The following DPP6 variants were observed in gnomAD, a reference collection of about 807,000 sequenced individuals.
DPP6 encodes the protein A-type potassium channel modulatory protein DPP6.
Under a neutral mutation model 122.6 loss-of-function variants are expected in DPP6, and 69 were observed. That is an observed-to-expected ratio of 0.56 (90% CI 0.46 to 0.69). DPP6 has a LOEUF of 0.69. DPP6 is among the 30% of genes least tolerant of loss of function. The probability of loss-of-function intolerance (pLI) is 0.00; values close to 1 mark genes in which losing one functional copy is unlikely to be tolerated. For missense variants in DPP6, 928 were observed against 1,116.9 expected (o/e 0.83, Z 2.41); for synonymous variants, 418 against 433.1 (o/e 0.97, Z 0.43).
At chr7:154,681,948 CT>C (rs1437885694) in intron 7 of DPP6, among the ~76,000 whole-genome samples, 4 of 152,166 alleles carry the variant, frequency 2.6e-5, no homozygotes, top group Non-Finnish European at 5.9e-5. Context: ...TTTCATTAGA[CT>C]TTTGTCTTCC....
At chr7:153,897,819 T>G (rs1329664602) in intron 1 of DPP6, among the ~76,000 whole-genome samples, 1 of 152,246 alleles carries the variant, frequency 6.6e-6, no homozygotes, top group Non-Finnish European at 1.5e-5. Flanking sequence ...GTGGCTGTAC[T>G]AATTTAATTC....
At chr7:153,779,654 CA>C in the DPP6 span, among the ~76,000 whole-genome samples, 1 of 125,596 alleles carries the variant, frequency 8.0e-6, no homozygotes, top group Non-Finnish European at 1.7e-5. Flanking sequence ...GGACGTTCGG[CA>C]AAATAACTGA....
chr7:153,828,901 A>G, the DPP6 span, among the ~76,000 whole-genome samples: 1 of 152,244 alleles, frequency 6.6e-6, no homozygotes, highest in Non-Finnish European at 1.5e-5. Context: ...ATTAAACCAC[A>G]GAAGTCTGGA....
At chr7:153,897,430 A>G (rs1001909541) in intron 1 of DPP6, among the ~76,000 whole-genome samples, 1 of 152,238 alleles carries the variant, frequency 6.6e-6, no homozygotes, top group South Asian at 2.1e-4. Flanking sequence ...AACTTGTGCC[A>G]TTGTTGACAA....
At chr7:153,788,121 G>A in the DPP6 span, among the ~76,000 whole-genome samples, 1 of 152,160 alleles carries the variant, frequency 6.6e-6, no homozygotes, top group African/African-American at 2.4e-5. Context: ...TTATTTTGTA[G>A]ACATTAAATC....
At chr7:154,600,027 C>G (rs1051169952) in intron 5 of DPP6, among the ~76,000 whole-genome samples, 1 of 152,178 alleles carries the variant, frequency 6.6e-6, no homozygotes, top group African/African-American at 2.4e-5. Context: ...ATGGATGGCT[C>G]CAGTCCCAAA....
chr7:153,804,264 C>T, the DPP6 span, among the ~76,000 whole-genome samples: 1 of 152,012 alleles, frequency 6.6e-6, no homozygotes, highest in African/African-American at 2.4e-5. Context: ...GTTGGCCAGA[C>T]TGGTCTCGAA....
chr7:153,816,743 A>C, the DPP6 span, among the ~76,000 whole-genome samples: 1 of 151,994 alleles, frequency 6.6e-6, no homozygotes, highest in African/African-American at 2.4e-5. Context: ...AGCACAGGTG[A>C]GACCCATTTA....
chr7:154,155,103 A>G (rs541367394), intron 1 of DPP6, among the ~76,000 whole-genome samples: 1 of 152,098 alleles, frequency 6.6e-6, no homozygotes, highest in African/African-American at 2.4e-5. Context: ...TCGCAATACC[A>G]TTCTCATTAG....
intron 6 of DPP6, among the ~76,000 whole-genome samples, chr7:154,663,662 C>T (rs4960704): frequency 5.9e-3 from 111 of 18,746 alleles, no homozygotes; most frequent in Middle Eastern, 0.033. Context: ...TTGGCCATAG[C>T]GTTCATATAG....
At chr7:154,200,809 C>T (rs2150784855) in intron 1 of DPP6, among the ~76,000 whole-genome samples, 1 of 152,206 alleles carries the variant, frequency 6.6e-6, no homozygotes, top group African/African-American at 2.4e-5. Flanking sequence ...GAAAGTTAGC[C>T]CCGCCTGGAC....
intron 1 of DPP6, among the ~76,000 whole-genome samples, chr7:154,413,859 C>T (rs1347746913): frequency 6.6e-6 from 1 of 152,058 alleles, no homozygotes; most frequent in Non-Finnish European, 1.5e-5. Context: ...CAAATAAAAG[C>T]AATTTGCTTT....
At chr7:153,828,309 C>T in the DPP6 span, among the ~76,000 whole-genome samples, 9 of 152,024 alleles carry the variant, frequency 5.9e-5, no homozygotes, top group African/African-American at 9.7e-5. Context: ...GTGGTGGGGA[C>T]GCAGTTCCAT....
intron 1 of DPP6, among the ~76,000 whole-genome samples, chr7:154,001,668 T>G (rs1469250740): frequency 6.6e-6 from 1 of 151,994 alleles, no homozygotes; most frequent in African/African-American, 2.4e-5. Context: ...CTTTACCTCT[T>G]CTAAATAATG....
chr7:153,859,591 T>C, the DPP6 span, among the ~76,000 whole-genome samples: 1 of 152,330 alleles, frequency 6.6e-6, no homozygotes, highest in South Asian at 2.1e-4. Context: ...GGCATCATCC[T>C]GTTTACTGCC....
intron 1 of DPP6, among the ~76,000 whole-genome samples, chr7:154,256,995 C>CTTT (rs1325682457): frequency 8.7e-6 from 1 of 115,492 alleles, no homozygotes; most frequent in African/African-American, 3.6e-5. Context: ...TTTTCTTCTT[C>CTTT]TTCTTTTTTT....
chr7:154,091,088 T>C (rs1316358334), intron 1 of DPP6, among the ~76,000 whole-genome samples: 5 of 149,326 alleles, frequency 3.3e-5, no homozygotes, highest in African/African-American at 1.2e-4. Flanking sequence ...GCCACTGCAC[T>C]CCAGCTTGGG....
At chr7:153,991,412 C>T (rs1797172055) in intron 1 of DPP6, among the ~76,000 whole-genome samples, 1 of 152,180 alleles carries the variant, frequency 6.6e-6, no homozygotes, top group South Asian at 2.1e-4. Flanking sequence ...AATAAATATT[C>T]ATGCAAAGCT....
At chr7:153,798,144 C>CT in the DPP6 span, among the ~76,000 whole-genome samples, 1 of 152,118 alleles carries the variant, frequency 6.6e-6, no homozygotes, top group African/African-American at 2.4e-5. Context: ...GCCCAGCCCC[C>CT]TCCATCTTCT....
Sources: allele counts gnomAD v4.1 joint callset (sites outside exome capture counted in the v4.1 genomes callset), GRCh38; gene constraint gnomAD v4.1.1; transcripts MANE v1.5; gene names NCBI Gene and HGNC (gene_info 2026-07-23, HGNC 2026-07-21).